TMOD2: variants seen among roughly 807,000 people sequenced by gnomAD.
TMOD2 encodes the protein tropomodulin-2.
A neutral mutation model predicts 39.9 loss-of-function variants in TMOD2; 22 were observed. That is an observed-to-expected ratio of 0.55 (90% CI 0.39 to 0.79). The LOEUF is 0.79. Ranked by LOEUF, TMOD2 falls within the 30% of genes least tolerant of loss-of-function variation. The pLI is 0.00. For synonymous variants in TMOD2, 123 were observed against 146.1 expected, an observed-to-expected ratio of 0.84 and a Z score of 1.14; for missense variants, 386 against 413.3, an observed-to-expected ratio of 0.93 and a Z score of 0.57.
At chr15:51,798,467 G>A in intron 8 of TMOD2, 127 bp downstream of exon 8, 3 of 1,186,880 alleles carry the variant, frequency 2.5e-6, no homozygotes, top group Middle Eastern at 2.5e-4. Flanking sequence ...TGGATTTCCT[G>A]TAAGTTTTAG....
chr15:51,763,180 C>T (rs1595862641), intron 1 of TMOD2, among the ~76,000 whole-genome samples: 2 of 152,158 alleles, frequency 1.3e-5, no homozygotes, highest in African/African-American at 4.8e-5. Context: ...CTCAAGAAAT[C>T]CTCCTGCCTC....
chr15:51,783,655 G>A (rs1175144814), intron 7 of TMOD2: 3 of 152,098 alleles, frequency 2.0e-5, no homozygotes, highest in East Asian at 3.9e-4. Flanking sequence ...TTAGGAGGCT[G>A]AGGTGAGACA....
intron 7 of TMOD2, among the ~76,000 whole-genome samples, chr15:51,795,581 T>TTG (rs1567245571): frequency 2.1e-3 from 39 of 18,642 alleles, no homozygotes; most frequent in East Asian, 0.015. Context: ...TTGCTTGCTT[T>TTG]CTTTCTTTCT....
chr15:51,815,121 GC>G lies in TMOD2; in HGVS notation c.*6670del, dbSNP rs1258994320. The G allele has an allele frequency of 6.6e-6, 1 of 152,268 alleles. No homozygotes were observed. The highest frequency in any genetic ancestry group is 1.5e-5 in the Non-Finnish European group (1 of 68,148). 9.4% of individuals were successfully genotyped at this position (152,268 alleles called of 1,614,324 possible). On this transcript the variant is annotated 3_prime_UTR_variant, in exon 10 of 10. Coordinates refer to ENST00000249700, the MANE Select transcript of TMOD2 (RefSeq NM_014548.4). The stretch of plus-strand genomic sequence containing the variant: ...TACTAAAAATACAGAAATTAGCTGG[GC>G]CCTGTGGCAAGAGCCTGTTATCCCA...
At chr15:51,770,623 A>G (rs2034857) in intron 3 of TMOD2, among the ~76,000 whole-genome samples, 72,491 of 151,782 alleles carry the variant, frequency 0.48, 17,593 homozygotes, top group Admixed American at 0.54. Flanking sequence ...AGTGGATCAC[A>G]CATCATTGAG....
intron 8 of TMOD2, among the ~76,000 whole-genome samples, chr15:51,805,845 G>A (rs1049469401): frequency 6.6e-6 from 1 of 152,080 alleles, no homozygotes; most frequent in Non-Finnish European, 1.5e-5. Flanking sequence ...TAAAGGTAAT[G>A]GTTGTACAAT....
chr15:51,781,261 C>T, intron 6 of TMOD2, 87 bp downstream of exon 6: 2 of 1,276,360 alleles, frequency 1.6e-6, no homozygotes, highest in Admixed American at 2.5e-5. Flanking sequence ...GTTTTCACAC[C>T]TGTTTGCAGT....
chr15:51,766,511 C>G lies in TMOD2; in HGVS notation c.70C>G (p.Leu24Val). Residue 24 changes from leucine to valine, a missense_variant, in exon 2 of 10, where the codon CTC becomes GTC. Physicochemically the swap from Leu to Val is conservative, Grantham distance 32. Transcript: ENST00000249700. ...NIDEDELLGK[L>V]SEEELKQLEN... is the part of the protein sequence containing the mutation. ...TGATGAAGATGAGCTTCTTGGCAAA[C>G]TCTCAGAAGAGGAACTGAAACAGTT... 6.2e-7 allele frequency: 1 copy of G among 1,614,048 alleles called. No homozygotes were observed. The highest frequency in any genetic ancestry group is 8.5e-7 in the Non-Finnish European group (1 of 1,179,916).
In TMOD2 at chr15:51,815,951, T is replaced by G. The variant is rs2056186095; in HGVS notation, c.*7497T>G. 1 of 152,190 alleles carries G rather than the reference T, an allele frequency of 6.6e-6. No homozygotes were observed. Among genetic ancestry groups the G allele is most frequent in the Admixed American group, 6.5e-5 (1 of 15,286 alleles). The allele number at this position is 152,190 out of a possible 1,614,324, so 9.4% of individuals were successfully genotyped here. A position where few individuals can be genotyped will look rare whatever the true frequency, so the allele number is the denominator to read the frequency against. ...TTAAACTTCTATTGGCAACATTTAT[T>G]GGGCTAAGCAGTTATTGAAAACTCC... On this transcript the variant is annotated 3_prime_UTR_variant, in exon 10 of 10. Transcript: ENST00000249700.
chr15:51,806,425 G>A lies in TMOD2; in HGVS notation c.925G>A (p.Glu309Lys). The change falls in exon 9 of 10, where the codon GAG (glutamate) becomes AAG (lysine). Residue 309 changes from glutamate to lysine, a missense_variant. Glu to Lys is a moderately conservative substitution (Grantham distance 56). Coordinates refer to ENST00000249700, the MANE Select transcript of TMOD2 (RefSeq NM_014548.4). ...AGAGATGGAAATTGCCCAGATGCTG[G>A]AGGAGAATTCAAGGATCCTCAAGTT... ...AVEMEIAQML[E>K]ENSRILKFGY... 6.2e-7 allele frequency: 1 copy of A among 1,614,214 alleles called. No homozygotes were observed. Among genetic ancestry groups the A allele is most frequent in the Non-Finnish European group, 8.5e-7 (1 of 1,180,032 alleles).
chr15:51,790,407 A>G (rs910584453), intron 7 of TMOD2, among the ~76,000 whole-genome samples: 4 of 152,208 alleles, frequency 2.6e-5, no homozygotes, highest in African/African-American at 9.7e-5. Context: ...ACCGATTTAC[A>G]GCCGAATTCT....
At chr15:51,799,142 C>G (rs1460998180) in intron 8 of TMOD2, among the ~76,000 whole-genome samples, 5 of 152,190 alleles carry the variant, frequency 3.3e-5, no homozygotes, top group Non-Finnish European at 7.4e-5. Flanking sequence ...CCCTGCTCCT[C>G]TGGCCATGGG....
In TMOD2 at chr15:51,798,279, T is replaced by C; in HGVS notation, c.815T>C (p.Leu272Pro). The part of the protein sequence containing the change: ...ESNFITGTGI[L>P]ALVEALKEND... Reference sequence around the variant, plus strand: ...AATTTTATCACTGGAACTGGGATCCTGGCCCTGGTAGAGGCACTGAAAGAA... The same window carrying C: ...AATTTTATCACTGGAACTGGGATCCCGGCCCTGGTAGAGGCACTGAAAGAA... The change falls in exon 8 of 10, where the codon CTG becomes CCG. Residue 272 changes from leucine to proline, a missense_variant. By Grantham distance (98) the Leu-to-Pro change is moderately conservative. Transcript: ENST00000249700. 6.2e-7 allele frequency: 1 copy of C among 1,613,988 alleles called. No homozygotes were observed. The highest frequency in any genetic ancestry group is 8.5e-7 in the Non-Finnish European group (1 of 1,179,968).
chr15:51,807,191 A>C (rs888834230), intron 9 of TMOD2, among the ~76,000 whole-genome samples: 5 of 152,176 alleles, frequency 3.3e-5, no homozygotes, highest in African/African-American at 1.2e-4. Flanking sequence ...TCCATTTGGC[A>C]AGTGGTCAGT....
intron 1 of TMOD2, among the ~76,000 whole-genome samples, chr15:51,756,047 T>C (rs528014460): frequency 2.0e-5 from 3 of 151,958 alleles, no homozygotes; most frequent in Non-Finnish European, 4.4e-5. Context: ...AGGAGATAAA[T>C]AGAGGTCAAG....
chr15:51,779,537 C>A (rs1021642092), intron 5 of TMOD2, among the ~76,000 whole-genome samples: 3 of 152,086 alleles, frequency 2.0e-5, no homozygotes, highest in Non-Finnish European at 2.9e-5. Context: ...CCCACCACCA[C>A]GCCCGGCTAA....
At chr15:51,781,788 C>T (rs997932517) in intron 6 of TMOD2, among the ~76,000 whole-genome samples, 1 of 146,124 alleles carries the variant, frequency 6.8e-6, no homozygotes, top group Non-Finnish European at 1.5e-5. Context: ...ATGCCACTCT[C>T]AAAGGGAAAG....
At chr15:51,790,178 C>T (rs1192312910) in intron 7 of TMOD2, among the ~76,000 whole-genome samples, 1 of 152,144 alleles carries the variant, frequency 6.6e-6, no homozygotes, top group African/African-American at 2.4e-5. Context: ...GGGGATATCA[C>T]CACTGATCCC....
At chr15:51,795,964 AATAATAC>A (rs1443021370) in intron 7 of TMOD2, among the ~76,000 whole-genome samples, 1 of 125,684 alleles carries the variant, frequency 8.0e-6, no homozygotes, top group Non-Finnish European at 1.5e-5. Context: ...CAGGGAGGAA[AATAATAC>A]ATAATCAGAA....
Sources: gnomAD v4.1 joint callset for allele counts (sites outside exome capture counted in the v4.1 genomes callset) on GRCh38, gnomAD v4.1.1 for gene constraint, MANE v1.5 for transcripts, NCBI Gene and HGNC (gene_info 2026-07-23, HGNC 2026-07-21) for gene names.